Variants in CSMD1 observed in about 807,000 individuals in gnomAD.
CSMD1 encodes CUB and Sushi multiple domains 1, also known as CUB and sushi domain-containing protein 1.
In CSMD1, 213 loss-of-function variants were observed where a neutral mutation model predicts 417.5. The observed-to-expected ratio is 0.51, with a 90% CI of 0.46 to 0.57. The LOEUF is 0.57. Ranked by LOEUF, CSMD1 falls within the 20% of genes least tolerant of loss-of-function variation. The probability of loss-of-function intolerance (pLI) is 0.00; values close to 1 mark genes in which losing one functional copy is unlikely to be tolerated. For synonymous variants in CSMD1, 2,862 were observed against 1,736.8 expected, an observed-to-expected ratio of 1.65 and a Z score of -16.11; for missense variants, 6,923 against 4,529.7, an observed-to-expected ratio of 1.53 and a Z score of -15.17.
At chr8:3,453,943 C>G (rs374316738) in intron 12 of CSMD1, among the ~76,000 whole-genome samples, 25 of 152,018 alleles carry the variant, frequency 1.6e-4, no homozygotes, top group Non-Finnish European at 3.2e-4. Flanking sequence ...TTGTGTGGGA[C>G]TCTAAGTCTC....
At chr8:3,994,225 G>A (rs574689345) in intron 5 of CSMD1, among the ~76,000 whole-genome samples, 1 of 150,232 alleles carries the variant, frequency 6.7e-6, no homozygotes, top group East Asian at 2.0e-4. Flanking sequence ...CCCTGTCACA[G>A]AAGGGTATGG....
At chr8:3,492,462 A>C (rs1347903714) in intron 11 of CSMD1, among the ~76,000 whole-genome samples, 1 of 152,206 alleles carries the variant, frequency 6.6e-6, no homozygotes, top group African/African-American at 2.4e-5. Context: ...CTTTCCATTA[A>C]TGAAAGACGC....
chr8:3,736,722 T>A (rs1263231707), intron 6 of CSMD1, among the ~76,000 whole-genome samples: 1 of 152,214 alleles, frequency 6.6e-6, no homozygotes, highest in South Asian at 2.1e-4. Flanking sequence ...TGCTTCACAC[T>A]GCCTGGCTTC....
intron 12 of CSMD1, among the ~76,000 whole-genome samples, chr8:3,426,225 G>A (rs1279056922): frequency 6.6e-6 from 1 of 152,154 alleles, no homozygotes; most frequent in Non-Finnish European, 1.5e-5. Flanking sequence ...TTCATTCTCA[G>A]TAATATACAC....
intron 3 of CSMD1, among the ~76,000 whole-genome samples, chr8:4,078,458 G>T (rs528257775): frequency 1.3e-5 from 2 of 151,650 alleles, no homozygotes; most frequent in South Asian, 4.2e-4. Context: ...GGGACTACAG[G>T]TGCCACCATG....
intron 46 of CSMD1, among the ~76,000 whole-genome samples, chr8:3,100,354 G>C (rs75833008): frequency 6.6e-6 from 1 of 152,188 alleles, no homozygotes; most frequent in East Asian, 1.9e-4. Flanking sequence ...GTTTACCCAT[G>C]AGCGAAAGTG....
At chr8:3,985,384 TA>T in intron 5 of CSMD1, among the ~76,000 whole-genome samples, 1 of 152,280 alleles carries the variant, frequency 6.6e-6, no homozygotes, top group East Asian at 1.9e-4. Context: ...CCATAGAAAG[TA>T]AATGAATATA....
intron 3 of CSMD1, among the ~76,000 whole-genome samples, chr8:4,404,813 C>G (rs1046543964): frequency 3.2e-4 from 48 of 152,104 alleles, no homozygotes; most frequent in Middle Eastern, 6.8e-3. Flanking sequence ...TCTATGGGTA[C>G]ACAGTAAGTG....
intron 3 of CSMD1, among the ~76,000 whole-genome samples, chr8:4,040,720 G>T (rs1797843964): frequency 6.6e-6 from 1 of 152,136 alleles, no homozygotes; most frequent in Admixed American, 6.5e-5. Flanking sequence ...AACACTGCAG[G>T]AGAGACTGCA....
At chr8:4,820,847 G>A (rs952095016) in intron 1 of CSMD1, among the ~76,000 whole-genome samples, 1 of 152,132 alleles carries the variant, frequency 6.6e-6, no homozygotes, top group African/African-American at 2.4e-5. Flanking sequence ...AAATACTAAT[G>A]CAAGAATAAT....
chr8:4,241,625 G>T lies in CSMD1; in HGVS notation c.415+178328C>A, dbSNP rs375476069. Among the ~76,000 whole-genome samples, 59 of 151,946 alleles carry T rather than the reference G, an allele frequency of 3.9e-4. No individual in the cohort carries two copies. In the South Asian group the frequency reaches 0.012, roughly 31 times the overall value. ...GTTTAGAGGATTTCTATGTAGAGGA[G>T]AAATAATTCAATGATCAAAATCATT... On this transcript the variant is annotated intron_variant, in intron 3 of 69. Transcript: ENST00000635120.
chr8:3,968,042 CCGGGAG>C (rs1349771945), intron 5 of CSMD1, among the ~76,000 whole-genome samples: 3 of 135,906 alleles, frequency 2.2e-5, no homozygotes, highest in Non-Finnish European at 4.8e-5. Flanking sequence ...AAAAAATTAG[CCGGGAG>C]TGGTGGCGGG....
At chr8:4,891,419 C>T (rs2117002051) in intron 1 of CSMD1, among the ~76,000 whole-genome samples, 1 of 152,212 alleles carries the variant, frequency 6.6e-6, no homozygotes, top group Non-Finnish European at 1.5e-5. Context: ...GCTTTCATTC[C>T]TCTGATACAT....
intron 53 of CSMD1, among the ~76,000 whole-genome samples, chr8:2,999,728 A>G (rs1448641172): frequency 6.6e-6 from 1 of 151,812 alleles, no homozygotes; most frequent in African/African-American, 2.4e-5. Context: ...AAGCAAATTA[A>G]ATGTGGAGTC....
At chr8:3,528,226 G>C (rs973551649) in intron 10 of CSMD1, among the ~76,000 whole-genome samples, 1 of 152,190 alleles carries the variant, frequency 6.6e-6, no homozygotes, top group Non-Finnish European at 1.5e-5. Flanking sequence ...ACTGCATTTT[G>C]AATTATGTGT....
intron 5 of CSMD1, among the ~76,000 whole-genome samples, chr8:3,808,171 G>A (rs974809039): frequency 2.6e-5 from 4 of 152,142 alleles, no homozygotes; most frequent in African/African-American, 9.7e-5. Flanking sequence ...TTAAAAAAAT[G>A]TAACCTATTA....
At chr8:4,965,784 A>T (rs949498584) in intron 1 of CSMD1, among the ~76,000 whole-genome samples, 1 of 152,196 alleles carries the variant, frequency 6.6e-6, no homozygotes, top group Admixed American at 6.5e-5. Context: ...CCAGAATTCA[A>T]TCTAATTTTA....
intron 12 of CSMD1, among the ~76,000 whole-genome samples, chr8:3,445,553 G>T (rs548774735): frequency 6.6e-6 from 1 of 152,182 alleles, no homozygotes; most frequent in South Asian, 2.1e-4. Context: ...TAATAGAACA[G>T]ACTTCTTATG....
chr8:4,460,889 A>G (rs1355260087), intron 2 of CSMD1, among the ~76,000 whole-genome samples: 1 of 152,184 alleles, frequency 6.6e-6, no homozygotes, highest in East Asian at 1.9e-4. Context: ...CTTTCCAAAA[A>G]TAGAAGAGGG....
Sources: gnomAD v4.1 joint callset for allele counts (sites outside exome capture counted in the v4.1 genomes callset) on GRCh38, gnomAD v4.1.1 for gene constraint, MANE v1.5 for transcripts, NCBI Gene and HGNC (gene_info 2026-07-23, HGNC 2026-07-21) for gene names.